Variants in PTPRS observed in about 807,000 individuals in gnomAD.
PTPRS encodes the protein protein tyrosine phosphatase receptor type S, also known as receptor-type tyrosine-protein phosphatase S.
A neutral mutation model predicts 215.3 loss-of-function variants in PTPRS; 63 were observed. That is an observed-to-expected ratio of 0.29 (90% CI 0.24 to 0.36). The LOEUF is 0.36. Ranked by LOEUF, PTPRS falls within the 10% of genes least tolerant of loss-of-function variation. The pLI, the probability that PTPRS is intolerant of heterozygous loss-of-function variation, is 1.00. For missense variants in PTPRS, 2,258 were observed against 2,825.8 expected (o/e 0.80, Z 4.56); for synonymous variants, 1,404 against 1,191.4 (o/e 1.18, Z -3.68).
chr19:5,227,808 G>C (rs952089509), intron 16 of PTPRS, among the ~76,000 whole-genome samples: 1 of 152,154 alleles, frequency 6.6e-6, no homozygotes, highest in African/African-American at 2.4e-5. Context: ...CTAGCACATA[G>C]TAGGTGCTCA....
In PTPRS at chr19:5,294,884, G is replaced by A. The variant is rs553807322; in HGVS notation, c.-94-8650C>T. Among the ~76,000 whole-genome samples, 2 of 152,298 alleles carry A rather than the reference G, an allele frequency of 1.3e-5. No individual in the cohort carries two copies. Among genetic ancestry groups the A allele is most frequent in the East Asian group, 1.9e-4 (1 of 5,182 alleles). ...GGTGCTAAACACAGGATGCCGTGAC[G>A]TCCCCCGTCCCACGCAGCCCCATCC... On this transcript the variant is annotated intron_variant, in intron 1 of 37. Coordinates refer to ENST00000262963, the MANE Select transcript of PTPRS (RefSeq NM_002850.4). This position sits in a 1 kb window ranked among gnomAD's most constrained non-coding sequence, Gnocchi z 5.1.
intron 14 of PTPRS, among the ~76,000 whole-genome samples, chr19:5,230,445 G>A (rs2145643823): frequency 6.6e-6 from 1 of 152,254 alleles, no homozygotes; most frequent in East Asian, 1.9e-4. Flanking sequence ...CTACAGGCCT[G>A]TGCCACCATG....
chr19:5,301,460 T>C (rs577982275), intron 1 of PTPRS, among the ~76,000 whole-genome samples: 90 of 152,000 alleles, frequency 5.9e-4, no homozygotes, highest in African/African-American at 1.9e-3. Context: ...GGATTACAGG[T>C]GCCCACCACC....
At position 5,229,612 on chromosome 19, in the gene PTPRS, G is replaced by T; in HGVS notation, c.2228C>A (p.Ser743Ter). Residue 743 changes from serine (S) to a stop codon, truncating the protein, a stop_gained, in exon 15 of 38, where the codon TCG (serine) becomes TAG (stop). Coordinates refer to ENST00000262963, the MANE Select transcript of PTPRS (RefSeq NM_002850.4). LOFTEE classifies it high-confidence loss of function. ...GCCGTGCTGCCGGCCGGGCGCGGGC[G>T]AGCGCCACAGCACGCGGATGGCCGT... ...NATAIRVLWR[S>*]PAPGRQHGQI... 1 of 1,416,264 alleles carries T rather than the reference G, an allele frequency of 7.1e-7. No individual in the cohort carries two copies. The highest frequency in any genetic ancestry group is 9.2e-7 in the Non-Finnish European group (1 of 1,086,028). 87.7% of individuals were successfully genotyped at this position (1,416,264 alleles called of 1,614,324 possible).
chr19:5,240,381 C>T (rs3746130), intron 11 of PTPRS, 49 bp from the exon 12 acceptor site: 190,932 of 1,507,294 alleles, frequency 0.13, 19,373 homozygotes, highest in East Asian at 0.67. Flanking sequence ...GTCCACCCCA[C>T]AAAGGGGGCC....
At chr19:5,255,455 A>G (rs1454316241) in intron 9 of PTPRS, among the ~76,000 whole-genome samples, 2 of 152,162 alleles carry the variant, frequency 1.3e-5, no homozygotes, top group Non-Finnish European at 2.9e-5. Context: ...AAAACCAAAT[A>G]GCACAGACAC....
intron 20 of PTPRS, 24 bp downstream of exon 20, chr19:5,220,976 C>T (rs1227895783): frequency 6.3e-7 from 1 of 1,582,302 alleles, no homozygotes. Context: ...TGACAAGGAA[C>T]CCGGAGCATG....
chr19:5,304,158 G>A (rs1445961125), intron 1 of PTPRS, among the ~76,000 whole-genome samples: 3 of 152,006 alleles, frequency 2.0e-5, no homozygotes, highest in Admixed American at 6.6e-5. Flanking sequence ...CAGACAGGGG[G>A]CCCTGGAAGT....
At chr19:5,317,334 T>C (rs912256373) in intron 1 of PTPRS, among the ~76,000 whole-genome samples, 5 of 152,154 alleles carry the variant, frequency 3.3e-5, no homozygotes, top group Admixed American at 2.6e-4. Context: ...TAGCCAGGCG[T>C]GGTGGCACGC....
intron 37 of PTPRS, 96 bp from the exon 38 acceptor site, chr19:5,206,938 T>C: frequency 9.1e-7 from 1 of 1,102,062 alleles, no homozygotes; most frequent in East Asian, 2.4e-5. Context: ...TCCTCAGCCT[T>C]GTGCGTGTCT....
At chr19:5,292,899 G>A (rs1179615922) in intron 1 of PTPRS, 1 of 152,166 alleles carries the variant, frequency 6.6e-6, no homozygotes, top group Admixed American at 6.5e-5. Context: ...CGGGGGAGGG[G>A]ACCCTGCGGA....
chr19:5,306,387 C>T (rs776950394), intron 1 of PTPRS, among the ~76,000 whole-genome samples: 66 of 152,214 alleles, frequency 4.3e-4, no homozygotes, highest in Non-Finnish European at 7.2e-4. Flanking sequence ...TCAAGTGATA[C>T]GCTGGCCTCG....
At chr19:5,309,035 T>C (rs879475023) in intron 1 of PTPRS, among the ~76,000 whole-genome samples, 2 of 152,202 alleles carry the variant, frequency 1.3e-5, no homozygotes, top group Admixed American at 6.5e-5. Flanking sequence ...TGCCTGGCAC[T>C]AGGCCCTGGG....
rs1049554120 is a variant in PTPRS at position 5,293,255 on chromosome 19, A to AGGCCTC, written c.-94-7027_-94-7022dup. 1 of 138,084 alleles carries AGGCCTC rather than the reference A, an allele frequency of 7.2e-6. No homozygotes were observed. The allele number at this position is 138,084 out of a possible 1,614,324, so 8.6% of individuals were successfully genotyped here. On this transcript the variant is annotated intron_variant, in intron 1 of 37. Coordinates refer to ENST00000262963, the MANE Select transcript of PTPRS (RefSeq NM_002850.4). This position sits in a 1 kb window ranked among gnomAD's most constrained non-coding sequence, Gnocchi z 8.4. ...GCGGCGCGCAGCGAAGACTCGGGAG[A>AGGCCTC]GGCCTCGGCCTGGGGAGCTCGGCCT...
rs768024060 is a variant in PTPRS, at chr19:5,208,411, A to G, written c.5488-20T>C. The stretch of plus-strand genomic sequence containing the variant: ...GCCATCCTAGAGTGCAGAGAGCCCA[A>G]TCTTGTTATCAGGTCAGCAGCGGCC... On this transcript the variant is annotated intron_variant, in intron 35 of 37. Coordinates refer to ENST00000262963, the MANE Select transcript of PTPRS (RefSeq NM_002850.4). 16 of 1,551,918 alleles carry G rather than the reference A, an allele frequency of 1.0e-5. No individual in the cohort carries two copies. Among genetic ancestry groups the G allele is most frequent in the Admixed American group, 1.9e-5 (1 of 51,612 alleles).
chr19:5,265,264 G>C, intron 4 of PTPRS, 68 bp from the exon 5 acceptor site: 1 of 1,462,668 alleles, frequency 6.8e-7, no homozygotes, highest in East Asian at 2.3e-5. Flanking sequence ...TGAGCCTGGG[G>C]CTCAGGGACT....
chr19:5,326,230 C>G (rs960329555), intron 1 of PTPRS, among the ~76,000 whole-genome samples: 3 of 149,816 alleles, frequency 2.0e-5, no homozygotes, highest in Non-Finnish European at 3.0e-5. Context: ...GACTCCATCT[C>G]AAGAAAACAA....
chr19:5,218,651 T>C (rs2041703078), intron 24 of PTPRS, 119 bp from the exon 25 acceptor site: 1 of 1,513,058 alleles, frequency 6.6e-7, no homozygotes. Flanking sequence ...TGACTAGGGT[T>C]TCCAGGACCA....
intron 4 of PTPRS, among the ~76,000 whole-genome samples, chr19:5,269,234 C>T (rs954441317): frequency 3.3e-5 from 5 of 152,120 alleles, no homozygotes; most frequent in African/African-American, 1.2e-4. Context: ...TATGTGGCCC[C>T]GCAGGGGTCC....
Sources: allele counts gnomAD v4.1 joint callset (sites outside exome capture counted in the v4.1 genomes callset), GRCh38; gene constraint gnomAD v4.1.1; non-coding constraint Gnocchi (gnomAD v3.1); transcripts MANE v1.5; gene names NCBI Gene and HGNC (gene_info 2026-07-23, HGNC 2026-07-21).